SLC14A2: variants seen among roughly 807,000 people sequenced by gnomAD.
SLC14A2 encodes the protein urea transporter 2.
A neutral mutation model predicts 104.6 loss-of-function variants in SLC14A2; 91 were observed. The ratio of observed to expected loss-of-function variants is 0.87; its 90% CI spans 0.73 to 1.04. The LOEUF is 1.04. Ranked by LOEUF, SLC14A2 falls within the 50% of genes least tolerant of loss-of-function variation. SLC14A2 has a pLI of 0.00. For synonymous variants in SLC14A2, 476 were observed against 466.4 expected (o/e 1.02, Z -0.27); for missense variants, 1,189 against 1,156.0 (o/e 1.03, Z -0.41).
chr18:45,632,142 T>C (rs894744568), intron 4 of SLC14A2, among the ~76,000 whole-genome samples: 9 of 116,410 alleles, frequency 7.7e-5, no homozygotes, highest in African/African-American at 2.4e-4. Context: ...TGTGTGTGTG[T>C]GTTTGTGTGT....
intron 1 of SLC14A2, among the ~76,000 whole-genome samples, chr18:45,302,100 T>C (rs895632003): frequency 9.2e-5 from 14 of 152,228 alleles, no homozygotes; most frequent in African/African-American, 3.4e-4. Flanking sequence ...TGAAGTCTCC[T>C]GTCTCATCAT....
chr18:45,675,023 C>T (rs1484222497), intron 18 of SLC14A2, among the ~76,000 whole-genome samples: 1 of 152,204 alleles, frequency 6.6e-6, no homozygotes, highest in Non-Finnish European at 1.5e-5. Context: ...TCCATCCGAA[C>T]TCATTAAACT....
At chr18:45,523,148 AG>A (rs1440541199) in intron 2 of SLC14A2, among the ~76,000 whole-genome samples, 1 of 151,742 alleles carries the variant, frequency 6.6e-6, no homozygotes, top group Non-Finnish European at 1.5e-5. Flanking sequence ...ACTCAATTTG[AG>A]AAAAGGATTA....
intron 1 of SLC14A2, among the ~76,000 whole-genome samples, chr18:45,322,072 A>G (rs2085190786): frequency 6.6e-6 from 1 of 152,180 alleles, no homozygotes; most frequent in Admixed American, 6.5e-5. Flanking sequence ...AAAAGTTTAG[A>G]TTATTTTGAT....
intron 2 of SLC14A2, among the ~76,000 whole-genome samples, chr18:45,544,962 T>G (rs1334180502): frequency 6.6e-6 from 1 of 151,832 alleles, no homozygotes; most frequent in East Asian, 1.9e-4. Context: ...CCGGCTAATT[T>G]TGTGTTTTTA....
intron 1 of SLC14A2, among the ~76,000 whole-genome samples, chr18:45,443,488 C>A (rs1451278584): frequency 6.6e-6 from 1 of 152,050 alleles, no homozygotes; most frequent in Non-Finnish European, 1.5e-5. Context: ...AGAACTGTCT[C>A]TGGAATGGGG....
intron 1 of SLC14A2, among the ~76,000 whole-genome samples, chr18:45,416,359 C>A (rs546667323): frequency 1.5e-4 from 23 of 150,962 alleles, no homozygotes; most frequent in Non-Finnish European, 2.8e-4. Context: ...CACCAAATAA[C>A]CTTGTCATGT....
intron 10 of SLC14A2, among the ~76,000 whole-genome samples, chr18:45,662,054 C>T (rs1048225472): frequency 1.3e-5 from 2 of 152,206 alleles, no homozygotes; most frequent in Admixed American, 6.5e-5. Context: ...CCTGTACTCC[C>T]AGCACTTTGG....
intron 1 of SLC14A2, among the ~76,000 whole-genome samples, chr18:45,384,895 C>T (rs925453808): frequency 2.0e-5 from 3 of 152,238 alleles, no homozygotes; most frequent in Non-Finnish European, 2.9e-5. Context: ...CAAGGTCCCA[C>T]TCAGCTGCAA....
Position 45,548,134 on chromosome 18 carries a change from C to A in SLC14A2, c.-35+64812C>A, listed in dbSNP as rs140475051. The stretch of plus-strand genomic sequence containing the variant: ...AAAACAAGAGAATGACCCATGATAG[C>A]CGTGAAGTGAATGTAGGGACTGTTG... On this transcript the variant is annotated intron_variant, in intron 2 of 20. Transcript: ENST00000586448. 3.3e-5 allele frequency among the ~76,000 whole-genome samples: 5 copies of A among 152,236 alleles called. No homozygotes were observed. In the East Asian group the frequency reaches 9.7e-4, roughly 29 times the overall value.
Position 45,656,361 on chromosome 18 carries a change from G to A in SLC14A2, c.1352-7424G>A, listed in dbSNP as rs115431701. Among the ~76,000 whole-genome samples the A allele has an allele frequency of 7.6e-3, 1,159 of 152,334 alleles. 17 individuals carry two copies. The highest frequency in any genetic ancestry group is 0.025 in the African/African-American group (1,022 of 41,568). On this transcript the variant is annotated intron_variant, in intron 10 of 19. Transcript: ENST00000255226. ...GCCAGAACACCTTGGCAGGGTGTGC[G>A]TTGGGAAAGAAAAGGGTGAAGCTTG...
chr18:45,664,056 C>A, intron 11 of SLC14A2, 149 bp downstream of exon 11: 2 of 782,558 alleles, frequency 2.6e-6, no homozygotes, highest in Non-Finnish European at 3.9e-6. Context: ...ACCAAGGCCA[C>A]AGTTCCCCGA....
At chr18:45,402,994 C>T (rs2612561) in intron 1 of SLC14A2, among the ~76,000 whole-genome samples, 74,673 of 152,020 alleles carry the variant, frequency 0.49, 18,679 homozygotes, top group South Asian at 0.72. Context: ...ACAGGATGTA[C>T]TGATCTGCTA....
chr18:45,618,845 C>G (rs901821872), intron 1 of SLC14A2, among the ~76,000 whole-genome samples: 6 of 151,940 alleles, frequency 3.9e-5, no homozygotes, highest in Non-Finnish European at 7.4e-5. Flanking sequence ...GAACATGGGC[C>G]CCTTACATCC....
At chr18:45,346,388 C>T (rs2085448217) in intron 1 of SLC14A2, among the ~76,000 whole-genome samples, 1 of 152,108 alleles carries the variant, frequency 6.6e-6, no homozygotes, top group Non-Finnish European at 1.5e-5. Context: ...AACTCCTGAC[C>T]TCAGGGGACC....
the SLC14A2 span, among the ~76,000 whole-genome samples, chr18:45,206,713 C>T: frequency 1.5e-4 from 23 of 152,260 alleles, no homozygotes; most frequent in Non-Finnish European, 2.5e-4. Context: ...CCATACAAGG[C>T]TGGTAGGCAG....
chr18:45,322,327 T>A (rs999116377), intron 1 of SLC14A2, among the ~76,000 whole-genome samples: 10 of 152,180 alleles, frequency 6.6e-5, no homozygotes, highest in African/African-American at 2.2e-4. Flanking sequence ...CTAAATGCTC[T>A]GTGACTCAGT....
At chr18:45,656,360 C>T (rs1051679118) in intron 10 of SLC14A2, among the ~76,000 whole-genome samples, 14 of 152,002 alleles carry the variant, frequency 9.2e-5, no homozygotes, top group Admixed American at 2.0e-4. Flanking sequence ...GCAGGGTGTG[C>T]GTTGGGAAAG....
intron 1 of SLC14A2, among the ~76,000 whole-genome samples, chr18:45,475,659 A>AG (rs1259932005): frequency 1.0e-4 from 9 of 88,610 alleles, no homozygotes; most frequent in East Asian, 4.6e-4. Flanking sequence ...ATATATATAT[A>AG]TATATATATA....
Sources: allele counts gnomAD v4.1 joint callset (sites outside exome capture counted in the v4.1 genomes callset), GRCh38; gene constraint gnomAD v4.1.1; transcripts MANE v1.5; gene names NCBI Gene and HGNC (gene_info 2026-07-23, HGNC 2026-07-21).